The following GNG7 variants were observed in gnomAD, a reference collection of about 807,000 sequenced individuals.
GNG7 encodes G protein subunit gamma 7.
In GNG7, 1 loss-of-function variant was observed where a neutral mutation model predicts 4.0. The observed-to-expected ratio is 0.25, with a 90% CI of 0.09 to 1.18. The LOEUF (loss-of-function observed/expected upper bound fraction) is 1.18, where lower values mean the gene tolerates loss of function less well. Ranked by LOEUF, GNG7 falls within the 50% of genes most tolerant of loss-of-function variation. The pLI is 0.50. For synonymous variants in GNG7, 34 were observed against 36.9 expected (o/e 0.92, Z 0.29); for missense variants, 86 against 91.9 (o/e 0.94, Z 0.26).
chr19:2,657,204 C>T (rs1982997449), intron 1 of GNG7, among the ~76,000 whole-genome samples: 1 of 149,794 alleles, frequency 6.7e-6, no homozygotes, highest in Admixed American at 6.7e-5. Flanking sequence ...TCTGGTGGTG[C>T]ACACCTGTAG....
At chr19:2,660,553 G>C (rs952597711) in intron 1 of GNG7, among the ~76,000 whole-genome samples, 9 of 152,068 alleles carry the variant, frequency 5.9e-5, no homozygotes, top group African/African-American at 2.2e-4. Context: ...GGAGGATGGG[G>C]GCCTAGGAGT....
intron 2 of GNG7, among the ~76,000 whole-genome samples, chr19:2,581,886 G>A (rs575786907): frequency 3.9e-5 from 6 of 152,326 alleles, no homozygotes; most frequent in Non-Finnish European, 7.4e-5. Flanking sequence ...ACAGGGAGGT[G>A]AGAACATTTT....
intron 2 of GNG7, among the ~76,000 whole-genome samples, chr19:2,573,280 C>T (rs886460825): frequency 6.6e-6 from 1 of 151,866 alleles, no homozygotes; most frequent in Non-Finnish European, 1.5e-5. Context: ...GCCTCAGCCT[C>T]CCAAAGTGCT....
At chr19:2,684,002 C>T (rs953385404) in intron 1 of GNG7, among the ~76,000 whole-genome samples, 17 of 152,146 alleles carry the variant, frequency 1.1e-4, no homozygotes, top group Non-Finnish European at 2.5e-4. Flanking sequence ...CACAGAAGTG[C>T]GACCAGCAAG....
intron 2 of GNG7, among the ~76,000 whole-genome samples, chr19:2,637,987 T>C (rs762204256): frequency 1.5e-4 from 23 of 152,174 alleles, no homozygotes; most frequent in Non-Finnish European, 2.9e-4. Context: ...TCCCAGGAGC[T>C]GGGGGTCCCC....
intron 2 of GNG7, among the ~76,000 whole-genome samples, chr19:2,569,496 C>A (rs1050938410): frequency 2.0e-5 from 3 of 152,096 alleles, no homozygotes; most frequent in Admixed American, 2.0e-4. Flanking sequence ...AGGATGGTCT[C>A]GATCTCCTGA....
Position 2,541,298 on chromosome 19 carries a change from CCT to C in GNG7, c.-38+13849_-38+13850del, listed in dbSNP as rs376251773. 1.4e-4 allele frequency among the ~76,000 whole-genome samples: 22 copies of C among 151,992 alleles called. 1 individual carries two copies. In the East Asian group the frequency reaches 3.3e-3, roughly 23 times the overall value. ...CCAGCCTGGGGCAACACAGTGAGAC[CCT>C]GTCTCTAAAATAAAAAAATAAAAAT... On this transcript the variant is annotated intron_variant, in intron 3 of 4. Transcript: ENST00000382159.
chr19:2,538,881 G>A (rs183679704), intron 3 of GNG7: 98 of 221,714 alleles, frequency 4.4e-4, no homozygotes, highest in Middle Eastern at 1.7e-3. Context: ...CCATTCTCCT[G>A]CCTCAACCTC....
chr19:2,655,187 T>A (rs1178944762), intron 1 of GNG7, among the ~76,000 whole-genome samples: 94 of 102,756 alleles, frequency 9.1e-4, no homozygotes, highest in African/African-American at 4.6e-3. Flanking sequence ...AGACTCTGTC[T>A]CAAAAAAAAA....
intron 1 of GNG7, among the ~76,000 whole-genome samples, chr19:2,675,542 C>T (rs759884018): frequency 6.6e-6 from 1 of 152,148 alleles, no homozygotes; most frequent in African/African-American, 2.4e-5. Context: ...TGTCGCGGCC[C>T]CTCTGCAGAG....
intron 2 of GNG7, among the ~76,000 whole-genome samples, chr19:2,566,830 T>C (rs1164176588): frequency 1.3e-5 from 2 of 151,938 alleles, no homozygotes; most frequent in Non-Finnish European, 2.9e-5. Flanking sequence ...TCGCTGGGCA[T>C]GGTGGCTCAA....
chr19:2,687,862 C>T (rs1275039106), intron 1 of GNG7, among the ~76,000 whole-genome samples: 8 of 151,546 alleles, frequency 5.3e-5, no homozygotes, highest in African/African-American at 1.7e-4. Flanking sequence ...GTAATCCCAA[C>T]TATTTGGGAG....
intron 2 of GNG7, among the ~76,000 whole-genome samples, chr19:2,586,555 C>G (rs1298089940): frequency 6.6e-6 from 1 of 152,190 alleles, no homozygotes; most frequent in East Asian, 1.9e-4. Context: ...CTCACACACT[C>G]TGGAAATGAG....
chr19:2,542,064 A>G (rs573183971), intron 3 of GNG7, among the ~76,000 whole-genome samples: 1 of 148,338 alleles, frequency 6.7e-6, no homozygotes, highest in Admixed American at 6.7e-5. Context: ...GCAGGTGCAC[A>G]GTCGGGCCTT....
intron 2 of GNG7, among the ~76,000 whole-genome samples, chr19:2,570,342 AC>A (rs1181142181): frequency 6.6e-6 from 1 of 151,976 alleles, no homozygotes; most frequent in Non-Finnish European, 1.5e-5. Context: ...TGCTTTATAA[AC>A]CCCTCAGCCT....
rs1405869690 is a variant in GNG7, at chr19:2,535,994, G to C, written c.-37-15269C>G. Among the ~76,000 whole-genome samples, 10 of 152,066 alleles carry C rather than the reference G, an allele frequency of 6.6e-5. No individual in the cohort carries two copies. The East Asian group carries it at 1.9e-3, about 29-fold the overall frequency. ...AAGAAAATTAACTGGGTGTGGTGGT[G>C]TGTGCCTATAGTCTCAGCTACTTGG... On this transcript the variant is annotated intron_variant, in intron 3 of 4. Coordinates refer to ENST00000382159, the MANE Select transcript of GNG7 (RefSeq NM_052847.3).
intron 2 of GNG7, among the ~76,000 whole-genome samples, chr19:2,622,930 C>T (rs556355467): frequency 6.6e-6 from 1 of 152,342 alleles, no homozygotes; most frequent in East Asian, 1.9e-4. Context: ...TCTGACACCC[C>T]GGGCACGGCC....
intron 2 of GNG7, chr19:2,632,224 G>T (rs892995465): frequency 6.6e-6 from 1 of 152,344 alleles, no homozygotes; most frequent in African/African-American, 2.4e-5. Context: ...GAGGTCAGGA[G>T]TTCGAGACCA....
chr19:2,532,316 A>G (rs1454661421), intron 3 of GNG7, among the ~76,000 whole-genome samples: 1 of 152,226 alleles, frequency 6.6e-6, no homozygotes, highest in African/African-American at 2.4e-5. Flanking sequence ...CAATGGGGAA[A>G]AAAAGGAACC....
Sources: gnomAD v4.1 joint callset for allele counts (sites outside exome capture counted in the v4.1 genomes callset) on GRCh38, gnomAD v4.1.1 for gene constraint, MANE v1.5 for transcripts, NCBI Gene and HGNC (gene_info 2026-07-23, HGNC 2026-07-21) for gene names.